Variants in TBL1XR1 observed in about 807,000 individuals in gnomAD.
TBL1XR1 encodes F-box-like/WD repeat-containing protein TBL1XR1.
TBL1XR1 carries 5 observed loss-of-function variants against 66.9 expected under a neutral mutation model. That is an observed-to-expected ratio of 0.07 (90% CI 0.04 to 0.16). The LOEUF is 0.16. TBL1XR1 is among the 10% of genes least tolerant of loss of function. The pLI is 1.00. For missense variants in TBL1XR1, 238 were observed against 623.2 expected (o/e 0.38, Z 6.58); for synonymous variants, 210 against 206.0 (o/e 1.02, Z -0.17).
At chr3:177,193,818 C>CT (rs1736475531) in intron 1 of TBL1XR1, among the ~76,000 whole-genome samples, 1 of 152,218 alleles carries the variant, frequency 6.6e-6, no homozygotes, top group African/African-American at 2.4e-5. Context: ...ATTCAGTCAT[C>CT]TAAGACAGAC....
At chr3:177,097,486 T>C (rs1723644684) in intron 2 of TBL1XR1, among the ~76,000 whole-genome samples, 1 of 151,938 alleles carries the variant, frequency 6.6e-6, no homozygotes, top group African/African-American at 2.4e-5. Context: ...TTTATAAGAG[T>C]ACTGCCAAAA....
chr3:177,161,826 T>C (rs1376863919), intron 1 of TBL1XR1, among the ~76,000 whole-genome samples: 1 of 150,264 alleles, frequency 6.7e-6, no homozygotes, highest in Non-Finnish European at 1.5e-5. Context: ...CAGTTAAGAA[T>C]CATATATCAA....
intron 2 of TBL1XR1, among the ~76,000 whole-genome samples, chr3:177,094,059 A>T (rs1396006272): frequency 6.6e-6 from 1 of 152,196 alleles, no homozygotes; most frequent in African/African-American, 2.4e-5. Flanking sequence ...AGTGAGAGAA[A>T]ATCTCCACTA....
chr3:177,194,565 G>C (rs1736581113), intron 1 of TBL1XR1, among the ~76,000 whole-genome samples: 1 of 152,138 alleles, frequency 6.6e-6, no homozygotes, highest in Non-Finnish European at 1.5e-5. Context: ...TTGTACTAGG[G>C]AGATTCCTTT....
At position 177,024,713 on chromosome 3, in the gene TBL1XR1, G is replaced by GAAAAAAAAAA. The variant is rs148659524; in HGVS notation, c.*775_*784dup. On this transcript the variant is annotated 3_prime_UTR_variant, in exon 16 of 16. Coordinates refer to ENST00000457928, the MANE Select transcript of TBL1XR1 (RefSeq NM_024665.7). ...AGCCACATCACCAAAAAACAAAAAA[G>GAAAAAAAAAA]AAAAAAAAAAAAAAAAAGCAAAACA... 2 of 85,372 alleles carry GAAAAAAAAAA rather than the reference G, an allele frequency of 2.3e-5. No individual in the cohort carries two copies. The highest frequency in any genetic ancestry group is 1.3e-4 in the Admixed American group (1 of 7,890). 5.3% of individuals were successfully genotyped at this position (85,372 alleles called of 1,614,324 possible).
At chr3:177,187,118 G>T (rs1469620948) in intron 1 of TBL1XR1, among the ~76,000 whole-genome samples, 1 of 149,370 alleles carries the variant, frequency 6.7e-6, no homozygotes, top group African/African-American at 2.5e-5. Flanking sequence ...CATGAGCCGA[G>T]ATCGTGCCAC....
At chr3:177,094,725 CCATAA>C (rs904601470) in intron 2 of TBL1XR1, among the ~76,000 whole-genome samples, 12 of 152,022 alleles carry the variant, frequency 7.9e-5, no homozygotes, top group African/African-American at 2.9e-4. Context: ...GAATGGAAAA[CCATAA>C]CGTTGCATGT....
chr3:177,193,676 A>G (rs983524256), intron 1 of TBL1XR1, among the ~76,000 whole-genome samples: 7 of 152,146 alleles, frequency 4.6e-5, no homozygotes, highest in African/African-American at 1.7e-4. Flanking sequence ...AATTTCATTT[A>G]CCCATGTAAT....
intron 1 of TBL1XR1, among the ~76,000 whole-genome samples, chr3:177,110,398 C>T (rs1201297): frequency 0.32 from 48,423 of 152,038 alleles, 8,162 homozygotes; most frequent in East Asian, 0.53. Context: ...GTATCTAGGG[C>T]TATACACCCA....
At chr3:177,031,295 G>A (rs1302124647) in intron 14 of TBL1XR1, among the ~76,000 whole-genome samples, 1 of 151,652 alleles carries the variant, frequency 6.6e-6, no homozygotes, top group Non-Finnish European at 1.5e-5. Context: ...TAGAGGTAAG[G>A]AAGTAATAAT....
rs990060959 is a variant in TBL1XR1 at position 177,020,233 on chromosome 3, T to C, written c.*5265A>G. The C allele has an allele frequency of 1.3e-5, 2 of 152,042 alleles. No individual in the cohort carries two copies. The highest frequency in any genetic ancestry group is 2.4e-5 in the African/African-American group (1 of 41,398). The allele number at this position is 152,042 out of a possible 1,614,324, so 9.4% of individuals were successfully genotyped here. On this transcript the variant is annotated 3_prime_UTR_variant, in exon 16 of 16. Transcript: ENST00000457928. ...CTACACATTGTTTTGTGCTCAACCG[T>C]GTGGCTAACCAAACAAATGTTATCT...
chr3:177,092,545 A>G (rs1311305077), intron 2 of TBL1XR1, among the ~76,000 whole-genome samples: 1 of 152,166 alleles, frequency 6.6e-6, no homozygotes, highest in South Asian at 2.1e-4. Context: ...GAAAAATTGA[A>G]GCTAAGTAGA....
chr3:177,160,199 G>A (rs955704122), intron 1 of TBL1XR1, among the ~76,000 whole-genome samples: 10 of 152,076 alleles, frequency 6.6e-5, no homozygotes, highest in Non-Finnish European at 8.8e-5. Context: ...CTGGTAGGGC[G>A]CAGTGGCTCA....
intron 1 of TBL1XR1, among the ~76,000 whole-genome samples, chr3:177,158,728 T>C (rs544045787): frequency 2.6e-5 from 4 of 152,286 alleles, no homozygotes; most frequent in Non-Finnish European, 5.9e-5. Flanking sequence ...AAATCATCTG[T>C]GGCGCTTTAG....
intron 1 of TBL1XR1, among the ~76,000 whole-genome samples, chr3:177,117,303 T>G (rs1726421811): frequency 6.6e-6 from 1 of 152,204 alleles, no homozygotes; most frequent in Non-Finnish European, 1.5e-5. Context: ...TTGCCTAGAA[T>G]AGCAACACTG....
intron 1 of TBL1XR1, among the ~76,000 whole-genome samples, chr3:177,156,969 C>T (rs1443311472): frequency 6.6e-6 from 1 of 152,218 alleles, no homozygotes; most frequent in Non-Finnish European, 1.5e-5. Context: ...TAAAACAACA[C>T]AAATTTGTTA....
intron 7 of TBL1XR1, among the ~76,000 whole-genome samples, chr3:177,049,291 C>T (rs902108725): frequency 1.3e-5 from 2 of 151,872 alleles, no homozygotes; most frequent in Admixed American, 1.3e-4. Context: ...ATATTCTTTG[C>T]AATGCTGAAA....
At position 177,054,061 on chromosome 3, in the gene TBL1XR1, T is replaced by C. The variant is rs145749628; in HGVS notation, c.59-143A>G. 0.083 allele frequency: 56,541 copies of C among 684,272 alleles called. 2,937 individuals carry two copies. Among genetic ancestry groups the C allele is most frequent in the Admixed American group, 0.17 (5,421 of 31,944 alleles). The allele number at this position is 684,272 out of a possible 1,614,324, so 42.4% of individuals were successfully genotyped here. A position where few individuals can be genotyped will look rare whatever the true frequency, so the allele number is the denominator to read the frequency against. On this transcript the variant is annotated intron_variant, in intron 3 of 15. Transcript: ENST00000457928. ...GACGAAGGTCGTGTGTGTGTGTGTG[T>C]GTGTGTGTGTGTGCGCGCGCGTGTG...
chr3:177,119,318 T>G (rs1487029759), intron 1 of TBL1XR1, among the ~76,000 whole-genome samples: 3 of 152,104 alleles, frequency 2.0e-5, no homozygotes, highest in Non-Finnish European at 4.4e-5. Flanking sequence ...GTTCCACGGG[T>G]GAAGAATATT....
Sources: gnomAD v4.1 joint callset for allele counts (sites outside exome capture counted in the v4.1 genomes callset) on GRCh38, gnomAD v4.1.1 for gene constraint, MANE v1.5 for transcripts, NCBI Gene and HGNC (gene_info 2026-07-23, HGNC 2026-07-21) for gene names.